Variants in KCNT2 observed in about 807,000 individuals in gnomAD.
KCNT2 encodes potassium channel subfamily T member 2.
In KCNT2, 67 loss-of-function variants were observed where a neutral mutation model predicts 153.8. The ratio of observed to expected loss-of-function variants is 0.44; its 90% CI spans 0.36 to 0.53. The LOEUF is 0.53. Ranked by LOEUF, KCNT2 falls within the 20% of genes least tolerant of loss-of-function variation. The pLI, the probability that KCNT2 is intolerant of heterozygous loss-of-function variation, is 0.00. For missense variants in KCNT2, 975 were observed against 1,354.8 expected, an observed-to-expected ratio of 0.72 and a Z score of 4.40; for synonymous variants, 500 against 458.8, an observed-to-expected ratio of 1.09 and a Z score of -1.15.
intron 13 of KCNT2, among the ~76,000 whole-genome samples, chr1:196,389,432 C>T (rs1445534661): frequency 6.6e-6 from 1 of 151,516 alleles, no homozygotes; most frequent in Non-Finnish European, 1.5e-5. Context: ...ACCTTAATCA[C>T]AGTTGGAATT....
chr1:196,238,420 TTTCAA>T (rs751635317), intron 26 of KCNT2, among the ~76,000 whole-genome samples: 1 of 151,950 alleles, frequency 6.6e-6, no homozygotes, highest in Non-Finnish European at 1.5e-5. Context: ...TTGCTAAAGT[TTTCAA>T]TTCAATTATT....
At chr1:196,483,649 C>T (rs953246380) in intron 3 of KCNT2, among the ~76,000 whole-genome samples, 1 of 152,098 alleles carries the variant, frequency 6.6e-6, no homozygotes, top group Non-Finnish European at 1.5e-5. Flanking sequence ...TTCAGGGAAA[C>T]CCTCTCTGAG....
At chr1:196,339,328 T>G (rs1445494850) in intron 16 of KCNT2, among the ~76,000 whole-genome samples, 1 of 152,072 alleles carries the variant, frequency 6.6e-6, no homozygotes. Flanking sequence ...CTTGCCTGAA[T>G]AGTTTCAGTG....
intron 14 of KCNT2, among the ~76,000 whole-genome samples, chr1:196,371,154 C>A (rs909987234): frequency 3.8e-5 from 5 of 133,150 alleles, no homozygotes; most frequent in African/African-American, 1.5e-4. Flanking sequence ...AAGGCCAAGT[C>A]AGATGGATCA....
At chr1:196,516,395 C>A (rs900008713) in intron 1 of KCNT2, among the ~76,000 whole-genome samples, 3 of 152,084 alleles carry the variant, frequency 2.0e-5, no homozygotes, top group African/African-American at 7.2e-5. Context: ...AGTCCCTGAT[C>A]CCATTTTTCT....
chr1:196,485,309 G>A (rs1302607395), intron 3 of KCNT2, among the ~76,000 whole-genome samples: 4 of 151,924 alleles, frequency 2.6e-5, no homozygotes, highest in South Asian at 2.1e-4. Context: ...ATTGGGGGGC[G>A]AGGGGAAGGA....
At chr1:196,377,342 TG>T (rs535082730) in intron 13 of KCNT2, among the ~76,000 whole-genome samples, 2 of 151,444 alleles carry the variant, frequency 1.3e-5, no homozygotes, top group East Asian at 1.9e-4. Context: ...TTTTTTTTGG[TG>T]GGGGGGAGAA....
At chr1:196,377,841 A>G (rs889921454) in intron 13 of KCNT2, among the ~76,000 whole-genome samples, 7 of 152,098 alleles carry the variant, frequency 4.6e-5, no homozygotes. Context: ...TCCCAGCCAG[A>G]CCAATAAAGA....
At chr1:196,290,425 T>C (rs551536667) in intron 22 of KCNT2, among the ~76,000 whole-genome samples, 125 of 152,200 alleles carry the variant, frequency 8.2e-4, no homozygotes, top group African/African-American at 2.9e-3. Flanking sequence ...CTCATCTTCC[T>C]TGTGGTTCTT....
chr1:196,472,596 C>A (rs1463583923), intron 5 of KCNT2, among the ~76,000 whole-genome samples: 1 of 152,184 alleles, frequency 6.6e-6, no homozygotes, highest in African/African-American at 2.4e-5. Context: ...TGATTCACAT[C>A]AGCGCCTCTA....
intron 10 of KCNT2, among the ~76,000 whole-genome samples, chr1:196,427,481 G>A (rs146269798): frequency 1.3e-5 from 2 of 152,108 alleles, no homozygotes; most frequent in East Asian, 3.9e-4. Context: ...CAGGAAAGGA[G>A]ATTAATGCCA....
chr1:196,458,384 T>C (rs1012277545), intron 8 of KCNT2, among the ~76,000 whole-genome samples: 3 of 151,924 alleles, frequency 2.0e-5, no homozygotes, highest in Non-Finnish European at 4.4e-5. Flanking sequence ...GAATATACTG[T>C]GGAGTTTGCT....
chr1:196,542,865 A>G (rs1265714122), intron 1 of KCNT2, among the ~76,000 whole-genome samples: 1 of 152,110 alleles, frequency 6.6e-6, no homozygotes, highest in Admixed American at 6.6e-5. Context: ...GTGTTATGAA[A>G]TAAGAGTGAA....
At chr1:196,311,901 G>A (rs904383859) in intron 21 of KCNT2, among the ~76,000 whole-genome samples, 1 of 151,834 alleles carries the variant, frequency 6.6e-6, no homozygotes, top group African/African-American at 2.4e-5. Context: ...ACTTTTTACT[G>A]TGGTTGTTTC....
At chr1:196,490,709 G>A (rs947235974) in intron 2 of KCNT2, among the ~76,000 whole-genome samples, 2 of 151,640 alleles carry the variant, frequency 1.3e-5, no homozygotes, top group African/African-American at 4.8e-5. Context: ...TCACAATTAT[G>A]CAGCCTGTAA....
At chr1:196,303,248 C>T (rs1206127596) in intron 22 of KCNT2, among the ~76,000 whole-genome samples, 1 of 152,134 alleles carries the variant, frequency 6.6e-6, no homozygotes, top group East Asian at 1.9e-4. Flanking sequence ...GAAATGTGAA[C>T]ATCAAGGAGG....
intron 1 of KCNT2, among the ~76,000 whole-genome samples, chr1:196,542,968 G>T (rs1483485721): frequency 6.6e-6 from 1 of 152,082 alleles, no homozygotes; most frequent in East Asian, 1.9e-4. Flanking sequence ...GTCAACTACA[G>T]AAAACGCTGG....
chr1:196,472,728 T>C (rs1176144641), intron 5 of KCNT2, among the ~76,000 whole-genome samples: 1 of 152,216 alleles, frequency 6.6e-6, no homozygotes, highest in African/African-American at 2.4e-5. Context: ...CACTATACTA[T>C]ACTTATAATT....
At chr1:196,481,251 G>A (rs556064411) in intron 4 of KCNT2, among the ~76,000 whole-genome samples, 6 of 152,168 alleles carry the variant, frequency 3.9e-5, no homozygotes, top group East Asian at 3.9e-4. Flanking sequence ...CACAATCATC[G>A]TGACTTTGAA....
Sources: gnomAD v4.1 joint callset for allele counts (sites outside exome capture counted in the v4.1 genomes callset) on GRCh38, gnomAD v4.1.1 for gene constraint, MANE v1.5 for transcripts, NCBI Gene and HGNC (gene_info 2026-07-23, HGNC 2026-07-21) for gene names.